KALRN: variants seen among roughly 807,000 people sequenced by gnomAD.
The protein encoded by KALRN is kalirin RhoGEF kinase.
Under a neutral mutation model 353.7 loss-of-function variants are expected in KALRN, and 70 were observed. That is an observed-to-expected ratio of 0.20 (90% CI 0.16 to 0.24). The LOEUF is 0.24. KALRN is among the 10% of genes least tolerant of loss of function. KALRN has a pLI of 1.00. For missense variants in KALRN, 2,791 were observed against 3,756.7 expected, an observed-to-expected ratio of 0.74 and a Z score of 6.72; for synonymous variants, 1,391 against 1,434.8, an observed-to-expected ratio of 0.97 and a Z score of 0.69.
chr3:124,069,892 C>T (rs1396685383), intron 1 of KALRN, among the ~76,000 whole-genome samples: 2 of 152,018 alleles, frequency 1.3e-5, no homozygotes, highest in Non-Finnish European at 2.9e-5. Flanking sequence ...AGTGGGGCGG[C>T]CAAGATATTT....
intron 10 of KALRN, among the ~76,000 whole-genome samples, chr3:124,374,721 C>T (rs1170055666): frequency 6.6e-6 from 1 of 152,234 alleles, no homozygotes; most frequent in Admixed American, 6.5e-5. Context: ...AGTCTTCTCT[C>T]TCTGACACCC....
chr3:124,678,488 A>C (rs2087451620), intron 50 of KALRN, 175 bp downstream of exon 50: 2 of 602,090 alleles, frequency 3.3e-6, no homozygotes, highest in Non-Finnish European at 5.5e-6. Flanking sequence ...TTTATCTTTT[A>C]TTTCTCCTGG....
At chr3:124,555,407 C>G (rs1561280674) in intron 33 of KALRN, among the ~76,000 whole-genome samples, 1 of 145,892 alleles carries the variant, frequency 6.9e-6, no homozygotes, top group African/African-American at 2.6e-5. Flanking sequence ...GAGCGAGACT[C>G]TGTCCCAAAA....
intron 19 of KALRN, among the ~76,000 whole-genome samples, chr3:124,443,370 C>T (rs1164070377): frequency 6.6e-6 from 1 of 152,094 alleles, no homozygotes; most frequent in East Asian, 1.9e-4. Flanking sequence ...CTTGGAGACA[C>T]CATGGACAGG....
intron 34 of KALRN, among the ~76,000 whole-genome samples, chr3:124,623,033 A>G (rs2079456678): frequency 6.6e-6 from 1 of 152,140 alleles, no homozygotes; most frequent in Non-Finnish European, 1.5e-5. Flanking sequence ...TTTCTGGTAT[A>G]TTCAGTTCCT....
chr3:124,270,937 C>T (rs1211538668), intron 5 of KALRN, among the ~76,000 whole-genome samples: 1 of 147,270 alleles, frequency 6.8e-6, no homozygotes, highest in Admixed American at 7.0e-5. Flanking sequence ...TCACGCCATT[C>T]TCCTGCCTCA....
intron 10 of KALRN, among the ~76,000 whole-genome samples, chr3:124,365,229 T>TA (rs2084523935): frequency 6.6e-6 from 1 of 152,186 alleles, no homozygotes; most frequent in African/African-American, 2.4e-5. Context: ...TTCCATGCCT[T>TA]ATATACTGAG....
At chr3:124,321,348 A>G (rs1481347077) in intron 6 of KALRN, among the ~76,000 whole-genome samples, 1 of 152,256 alleles carries the variant, frequency 6.6e-6, no homozygotes. Context: ...ACTTGCATAA[A>G]TGATTATTTC....
intron 1 of KALRN, among the ~76,000 whole-genome samples, chr3:124,092,319 T>A (rs1307577476): frequency 1.3e-5 from 2 of 152,214 alleles, no homozygotes; most frequent in African/African-American, 4.8e-5. Flanking sequence ...CACAGTCAGA[T>A]GCTCTTCCCC....
chr3:124,290,002 C>T (rs969722751), intron 5 of KALRN, among the ~76,000 whole-genome samples: 1 of 152,064 alleles, frequency 6.6e-6, no homozygotes, highest in Non-Finnish European at 1.5e-5. Context: ...AAAAGGAAGC[C>T]ACAAATTGGC....
At chr3:124,601,162 G>A (rs141465596) in intron 34 of KALRN, among the ~76,000 whole-genome samples, 2 of 152,228 alleles carry the variant, frequency 1.3e-5, no homozygotes, top group African/African-American at 4.8e-5. Flanking sequence ...GCGCACTTGG[G>A]GAAATACAGG....
chr3:124,332,928 G>A (rs910614419), intron 8 of KALRN, among the ~76,000 whole-genome samples: 12 of 152,084 alleles, frequency 7.9e-5, no homozygotes, highest in African/African-American at 1.4e-4. Flanking sequence ...TTCTCATGCC[G>A]CTAATAAAGA....
Position 124,219,180 on chromosome 3 carries a change from A to G in KALRN, c.74-8810A>G, listed in dbSNP as rs116316739. ...AAGTGCCAGCTGTGTACCAAGCACT[A>G]AAGTCATTGAGAGAAGTACTCAGCC... On this transcript the variant is annotated intron_variant, in intron 1 of 59. Transcript: ENST00000682506. 3.9e-3 allele frequency among the ~76,000 whole-genome samples: 588 copies of G among 152,352 alleles called. 4 individuals carry two copies. The highest frequency in any genetic ancestry group is 6.2e-3 in the Non-Finnish European group (422 of 68,028).
Position 124,717,415 on chromosome 3 carries a change from A to G in KALRN, c.8415+30A>G, listed in dbSNP as rs145268246. 5,478 of 1,542,590 alleles carry G rather than the reference A, an allele frequency of 3.6e-3. 85 individuals carry two copies. The highest frequency in any genetic ancestry group is 0.029 in the Admixed American group (1,527 of 52,236). On this transcript the variant is annotated intron_variant, in intron 59 of 59. Coordinates refer to ENST00000682506, the MANE Select transcript of KALRN (RefSeq NM_001388419.1). Reference sequence around the variant, plus strand: ...TAAGAAGTGGCAACCTGCTGGGCGCAGTGGCTCACGCCTGAAATCCCAGCA... The same window carrying G: ...TAAGAAGTGGCAACCTGCTGGGCGCGGTGGCTCACGCCTGAAATCCCAGCA...
intron 1 of KALRN, among the ~76,000 whole-genome samples, chr3:124,145,895 C>G (rs2067265866): frequency 6.6e-6 from 1 of 152,130 alleles, no homozygotes; most frequent in African/African-American, 2.4e-5. Flanking sequence ...TGCAGGCAAA[C>G]AGGGAGGGAT....
chr3:124,252,536 C>A (rs967787195), intron 3 of KALRN, among the ~76,000 whole-genome samples: 4 of 152,202 alleles, frequency 2.6e-5, no homozygotes, highest in Non-Finnish European at 5.9e-5. Flanking sequence ...AAGATACTAC[C>A]TTTGCACCAC....
chr3:124,568,738 C>T (rs1348778997), intron 34 of KALRN, among the ~76,000 whole-genome samples: 4 of 152,210 alleles, frequency 2.6e-5, no homozygotes, highest in Admixed American at 6.5e-5. Flanking sequence ...ACAAGCCAGA[C>T]ACAAAAGGAC....
At chr3:124,115,439 G>A (rs1425368192) in intron 1 of KALRN, among the ~76,000 whole-genome samples, 3 of 152,122 alleles carry the variant, frequency 2.0e-5, no homozygotes, top group Admixed American at 6.5e-5. Context: ...GCCTTCTCAC[G>A]GGAGCAGTCG....
At chr3:124,641,994 C>T (rs910426879) in intron 37 of KALRN, among the ~76,000 whole-genome samples, 3 of 152,088 alleles carry the variant, frequency 2.0e-5, no homozygotes, top group Non-Finnish European at 2.9e-5. Flanking sequence ...GGAAAGAAAG[C>T]CCCTAGGCCA....
Sources: allele counts gnomAD v4.1 joint callset (sites outside exome capture counted in the v4.1 genomes callset), GRCh38; gene constraint gnomAD v4.1.1; transcripts MANE v1.5; gene names NCBI Gene and HGNC (gene_info 2026-07-23, HGNC 2026-07-21).